Variants in CFAP68 observed in about 807,000 individuals in gnomAD.
CFAP68 encodes cilia- and flagella-associated protein 68.
At chr11:111,882,646 A>G in the CFAP68 span, 10 of 1,460,542 alleles carry the variant, frequency 6.8e-6, no homozygotes, top group African/African-American at 1.4e-5. Context: ...TCTGTTGGCA[A>G]AAGAAATGTA....
At chr11:111,881,213 C>T in the CFAP68 span, 1 of 1,335,636 alleles carries the variant, frequency 7.5e-7, no homozygotes, top group Admixed American at 3.5e-5. Flanking sequence ...CATTCCAGCC[C>T]TAGAGACAGT....
At chr11:111,879,977 T>C in the CFAP68 span, among the ~76,000 whole-genome samples, 1 of 152,156 alleles carries the variant, frequency 6.6e-6, no homozygotes, top group Non-Finnish European at 1.5e-5. Flanking sequence ...ATAGTTGAGT[T>C]TGGCTGAAAC....
At chr11:111,885,648 T>A in the CFAP68 span, 1 of 152,218 alleles carries the variant, frequency 6.6e-6, no homozygotes, top group South Asian at 2.1e-4. Flanking sequence ...TTAATTTTAA[T>A]ATGGTTAAAC....
chr11:111,880,830 G>C, the CFAP68 span: 3 of 455,956 alleles, frequency 6.6e-6, no homozygotes, highest in Admixed American at 2.4e-5. Context: ...TGCTGTATTT[G>C]GTTCTCTGTT....
chr11:111,881,656 G>T, the CFAP68 span: 3 of 1,488,130 alleles, frequency 2.0e-6, no homozygotes, highest in African/African-American at 2.8e-5. Context: ...TCACATTTTG[G>T]GGAAAAAGAA....
At chr11:111,882,842 G>C in the CFAP68 span, among the ~76,000 whole-genome samples, 1 of 152,104 alleles carries the variant, frequency 6.6e-6, no homozygotes, top group East Asian at 1.9e-4. Flanking sequence ...TCTTACTTCT[G>C]TTTGGACTTT....
chr11:111,883,622 A>G, the CFAP68 span: 2 of 642,672 alleles, frequency 3.1e-6, no homozygotes, highest in Non-Finnish European at 5.4e-6. Flanking sequence ...AAGGTGAATA[A>G]CTACATGAAT....
At chr11:111,882,701 ATC>A in the CFAP68 span, 6,004 of 1,096,248 alleles carry the variant, frequency 5.5e-3, 26 homozygotes, top group Non-Finnish European at 6.8e-3. Flanking sequence ...TGGTGCAGTG[ATC>A]TCTCAGTTTT....
the CFAP68 span, chr11:111,882,313 C>CT: frequency 1.4e-6 from 2 of 1,476,414 alleles, no homozygotes; most frequent in Non-Finnish European, 1.9e-6. Context: ...GGAAAAGATG[C>CT]TTTTTCTCTT....
the CFAP68 span, chr11:111,883,259 C>T: frequency 1.4e-6 from 2 of 1,406,836 alleles, no homozygotes; most frequent in Middle Eastern, 1.8e-4. Flanking sequence ...CAGTGACCGG[C>T]ACATAGAAGG....
the CFAP68 span, chr11:111,882,217 TAGAG>T: frequency 9.0e-6 from 6 of 663,052 alleles, no homozygotes; most frequent in East Asian, 2.8e-5. Flanking sequence ...TCCCAGGACT[TAGAG>T]AAGAAGAAAC....
chr11:111,881,616 G>A, the CFAP68 span: 4 of 1,531,420 alleles, frequency 2.6e-6, no homozygotes, highest in African/African-American at 1.4e-5. Flanking sequence ...TTCAGGAAAG[G>A]TATCATCTTC....
chr11:111,881,617 TATC>T, the CFAP68 span: 7 of 1,531,430 alleles, frequency 4.6e-6, no homozygotes, highest in Non-Finnish European at 6.1e-6. Flanking sequence ...TCAGGAAAGG[TATC>T]ATCTTCCTAA....
the CFAP68 span, among the ~76,000 whole-genome samples, chr11:111,880,236 G>C: frequency 6.6e-6 from 1 of 151,954 alleles, no homozygotes; most frequent in Admixed American, 6.5e-5. Flanking sequence ...AGTGTGTGTT[G>C]TTTCCATGTT....
At chr11:111,885,918 A>G in the CFAP68 span, 5 of 152,188 alleles carry the variant, frequency 3.3e-5, no homozygotes, top group Non-Finnish European at 7.4e-5. Flanking sequence ...TGAAAAGACC[A>G]TAATTTTTTC....
At chr11:111,881,936 G>A in the CFAP68 span, among the ~76,000 whole-genome samples, 3 of 152,170 alleles carry the variant, frequency 2.0e-5, no homozygotes, top group African/African-American at 4.8e-5. Flanking sequence ...CATCATTTGA[G>A]CTAGAAGGAA....
At chr11:111,883,730 G>A in the CFAP68 span, 1 of 1,410,242 alleles carries the variant, frequency 7.1e-7, no homozygotes, top group Non-Finnish European at 1.0e-6. Context: ...AGTGTTGACT[G>A]TTTTCATTTG....
chr11:111,881,985 G>A, the CFAP68 span, among the ~76,000 whole-genome samples: 1 of 152,188 alleles, frequency 6.6e-6, no homozygotes, highest in South Asian at 2.1e-4. Context: ...GTGTTATCTA[G>A]TTACTCAACT....
the CFAP68 span, chr11:111,885,341 G>A: frequency 1.3e-5 from 2 of 152,004 alleles, no homozygotes; most frequent in African/African-American, 2.4e-5. Flanking sequence ...AAAGATTTCA[G>A]TATATTTCTC....
Sources: allele counts gnomAD v4.1 joint callset (sites outside exome capture counted in the v4.1 genomes callset), GRCh38; gene constraint gnomAD v4.1.1; transcripts MANE v1.5; gene names NCBI Gene and HGNC (gene_info 2026-07-23, HGNC 2026-07-21).